CTNNA2: variants seen among roughly 807,000 people sequenced by gnomAD.
CTNNA2 encodes the protein catenin alpha 2.
Under a neutral mutation model 101.0 loss-of-function variants are expected in CTNNA2, and 42 were observed. The observed-to-expected ratio is 0.42, with a 90% CI of 0.32 to 0.54. The LOEUF is 0.54. CTNNA2 is among the 20% of genes least tolerant of loss of function. CTNNA2 has a pLI of 0.14. For missense variants in CTNNA2, 871 were observed against 1,223.1 expected (o/e 0.71, Z 4.29); for synonymous variants, 450 against 456.4 (o/e 0.99, Z 0.18).
intron 7 of CTNNA2, among the ~76,000 whole-genome samples, chr2:80,003,779 G>C (rs1324598704): frequency 6.6e-6 from 1 of 152,130 alleles, no homozygotes; most frequent in Non-Finnish European, 1.5e-5. Flanking sequence ...TTTCTTATGA[G>C]TAAAACAGAG....
chr2:79,280,701 G>GAGAGAGAGAGAGAGAT (rs142826852), intron 2 of CTNNA2, among the ~76,000 whole-genome samples: 1 of 147,380 alleles, frequency 6.8e-6, no homozygotes, highest in Non-Finnish European at 1.5e-5. Context: ...GAGAGAGAGA[G>GAGAGAGAGAGAGAGAT]ACCTATAGCT....
At chr2:79,313,743 G>A (rs1366055128) in intron 3 of CTNNA2, among the ~76,000 whole-genome samples, 1 of 152,192 alleles carries the variant, frequency 6.6e-6, no homozygotes, top group Non-Finnish European at 1.5e-5. Flanking sequence ...TCATGAGGAA[G>A]AGGGTAGCAT....
At chr2:80,146,843 G>A (rs1173574856) in intron 7 of CTNNA2, among the ~76,000 whole-genome samples, 1 of 146,068 alleles carries the variant, frequency 6.8e-6, no homozygotes, top group Non-Finnish European at 1.5e-5. Context: ...TCCTGCCTCA[G>A]CCTCCCGAGT....
intron 2 of CTNNA2, among the ~76,000 whole-genome samples, chr2:79,682,410 C>CAAAAAAAAA (rs10674928): frequency 1.6e-4 from 12 of 73,260 alleles, no homozygotes; most frequent in Non-Finnish European, 2.0e-4. Context: ...AACTCCATCT[C>CAAAAAAAAA]AAAAAAAAAA....
chr2:79,817,106 T>C (rs1382406489), intron 3 of CTNNA2, among the ~76,000 whole-genome samples: 1 of 152,066 alleles, frequency 6.6e-6, no homozygotes, highest in African/African-American at 2.4e-5. Flanking sequence ...TACATATGTA[T>C]ACATGTGCCA....
intron 2 of CTNNA2, among the ~76,000 whole-genome samples, chr2:79,655,675 A>G (rs1681558746): frequency 6.6e-6 from 1 of 152,036 alleles, no homozygotes; most frequent in Non-Finnish European, 1.5e-5. Flanking sequence ...CTAAAAATAC[A>G]AAACTTAGAC....
rs560236083 is a variant in CTNNA2 at position 80,392,316 on chromosome 2, C to T, written c.1057-895C>T. Among the ~76,000 whole-genome samples, 7 of 152,236 alleles carry T rather than the reference C, an allele frequency of 4.6e-5. No homozygotes were observed. In the South Asian group the frequency reaches 8.3e-4, roughly 18 times the overall value. Reference sequence around the variant, plus strand: ...GCACCATAAATAAATCAATCTGTAGCGTTTGACTAAAATTTAGATAATTTA... The same window carrying T: ...GCACCATAAATAAATCAATCTGTAGTGTTTGACTAAAATTTAGATAATTTA... On this transcript the variant is annotated intron_variant, in intron 7 of 18. Coordinates refer to ENST00000402739, the MANE Select transcript of CTNNA2 (RefSeq NM_001282597.3).
chr2:79,953,084 C>T (rs1021281231), intron 7 of CTNNA2, among the ~76,000 whole-genome samples: 5 of 152,206 alleles, frequency 3.3e-5, no homozygotes, highest in Middle Eastern at 3.4e-3. Context: ...TCAAGCACAG[C>T]GATTGACATC....
intron 7 of CTNNA2, among the ~76,000 whole-genome samples, chr2:80,164,367 T>C (rs1258152147): frequency 2.0e-5 from 3 of 152,052 alleles, no homozygotes; most frequent in Non-Finnish European, 2.9e-5. Flanking sequence ...TACACATAAA[T>C]TATATATATT....
At chr2:79,920,218 A>G (rs549269579) in intron 7 of CTNNA2, among the ~76,000 whole-genome samples, 33 of 152,150 alleles carry the variant, frequency 2.2e-4, no homozygotes, top group Non-Finnish European at 4.4e-4. Context: ...ACTCCATCTC[A>G]AAAAAACAAA....
At chr2:80,358,630 G>A (rs1262185279) in intron 7 of CTNNA2, among the ~76,000 whole-genome samples, 1 of 152,054 alleles carries the variant, frequency 6.6e-6, no homozygotes, top group African/African-American at 2.4e-5. Context: ...TGGGATTATA[G>A]GCGTGAGCCA....
chr2:80,116,526 A>C (rs73940950), intron 7 of CTNNA2, among the ~76,000 whole-genome samples: 4,464 of 152,170 alleles, frequency 0.029, 209 homozygotes, highest in African/African-American at 0.1. Context: ...GTGTTTGTAC[A>C]TGTGTATGTG....
At chr2:79,745,515 G>C (rs757802390) in intron 3 of CTNNA2, among the ~76,000 whole-genome samples, 1 of 151,862 alleles carries the variant, frequency 6.6e-6, no homozygotes, top group East Asian at 1.9e-4. Context: ...TATTCATATC[G>C]TTGAGCAAGC....
At chr2:79,187,991 C>T (rs968205799) in intron 1 of CTNNA2, among the ~76,000 whole-genome samples, 4 of 152,084 alleles carry the variant, frequency 2.6e-5, no homozygotes, top group African/African-American at 7.2e-5. Flanking sequence ...TAATCAAGAT[C>T]ATAAGCCCAG....
chr2:80,272,472 G>A (rs1056997319), intron 7 of CTNNA2, among the ~76,000 whole-genome samples: 2 of 152,168 alleles, frequency 1.3e-5, no homozygotes, highest in Admixed American at 1.3e-4. Context: ...ACCATCAGTG[G>A]TGTTTGCACA....
intron 2 of CTNNA2, among the ~76,000 whole-genome samples, chr2:79,653,007 C>T (rs1159000068): frequency 6.6e-6 from 1 of 152,072 alleles, no homozygotes; most frequent in Non-Finnish European, 1.5e-5. Context: ...TGTGAAACTA[C>T]AAAACAAATT....
At position 79,579,210 on chromosome 2, in the gene CTNNA2, C is replaced by T. The variant is rs1027570139; in HGVS notation, c.-6+66003C>T. 2.7e-5 allele frequency among the ~76,000 whole-genome samples: 4 copies of T among 147,084 alleles called. No homozygotes were observed. The Admixed American group carries it at 2.7e-4, about 10-fold the overall frequency. On this transcript the variant is annotated intron_variant, in intron 1 of 18. Transcript: ENST00000402739. ...TTCCTTTCTTCCTTCCTTCCTCCTTCCCTCCCTCCCTCTATCCCTTCCCTT... is the reference window on the plus strand; with the variant it reads ...TTCCTTTCTTCCTTCCTTCCTCCTTTCCTCCCTCCCTCTATCCCTTCCCTT...
chr2:80,581,229 C>T (rs1300748039), intron 13 of CTNNA2, among the ~76,000 whole-genome samples: 9 of 152,122 alleles, frequency 5.9e-5, no homozygotes, highest in Non-Finnish European at 1.2e-4. Context: ...AGTCTTGACT[C>T]TAGAGCCTGT....
intron 8 of CTNNA2, among the ~76,000 whole-genome samples, chr2:80,396,065 T>A (rs1013162647): frequency 2.0e-5 from 3 of 152,112 alleles, no homozygotes; most frequent in Non-Finnish European, 4.4e-5. Flanking sequence ...TCTTGGACTT[T>A]CCTAATGAAA....
Sources: gnomAD v4.1 joint callset for allele counts (sites outside exome capture counted in the v4.1 genomes callset) on GRCh38, gnomAD v4.1.1 for gene constraint, MANE v1.5 for transcripts, NCBI Gene and HGNC (gene_info 2026-07-23, HGNC 2026-07-21) for gene names.